The following NPIPA5 variants were observed in gnomAD, a reference collection of about 807,000 sequenced individuals.
NPIPA5 encodes nuclear pore complex interacting protein family member A5, also known as nuclear pore complex-interacting protein family member A5.
NPIPA5 carries 6 observed loss-of-function variants against 21.4 expected under a neutral mutation model. That is an observed-to-expected ratio of 0.28 (90% confidence interval 0.15 to 0.55). NPIPA5 has a LOEUF of 0.55. NPIPA5 is among the 20% of genes least tolerant of loss of function. The pLI is 0.93. For missense variants in NPIPA5, 99 were observed against 318.2 expected (o/e 0.31, Z 5.24); for synonymous variants, 33 against 115.3 (o/e 0.29, Z 4.57).
chr16:15,380,933 T>G (rs1485578973), upstream of NPIPA5: 1 of 1,365,854 alleles, frequency 7.3e-7, no homozygotes, highest in South Asian at 1.3e-5. Flanking sequence ...CTCACCTTCC[T>G]CAGGTACTCG....
intron 4 of NPIPA5, among the ~76,000 whole-genome samples, chr16:15,367,103 T>C (rs2049996965): frequency 6.6e-6 from 1 of 152,142 alleles, no homozygotes; most frequent in Admixed American, 6.5e-5. Flanking sequence ...CAAAAGCTCA[T>C]TTTAGTTCAG....
At chr16:15,375,470 G>A (rs1319801633) in intron 1 of NPIPA5, among the ~76,000 whole-genome samples, 9 of 151,566 alleles carry the variant, frequency 5.9e-5, no homozygotes, top group East Asian at 5.8e-4. Flanking sequence ...TGGGCCGGGC[G>A]TGGTGGCTCA....
upstream of NPIPA5, among the ~76,000 whole-genome samples, chr16:15,380,227 C>T (rs1360358819): frequency 1.3e-5 from 2 of 151,548 alleles, no homozygotes; most frequent in Non-Finnish European, 2.9e-5. Flanking sequence ...AATTATAGAA[C>T]ATATATATGT....
At chr16:15,372,422 T>C (rs1159617241) in intron 2 of NPIPA5, among the ~76,000 whole-genome samples, 6 of 143,512 alleles carry the variant, frequency 4.2e-5, no homozygotes, top group Non-Finnish European at 6.1e-5. Context: ...GAGGTGGAGG[T>C]TGCAGTGAGC....
chr16:15,371,513 G>T (rs891346225), intron 2 of NPIPA5, among the ~76,000 whole-genome samples: 2 of 147,842 alleles, frequency 1.4e-5, no homozygotes, highest in Non-Finnish European at 1.5e-5. Flanking sequence ...TCATTGAAAT[G>T]ACTTTTTTCT....
upstream of NPIPA5, among the ~76,000 whole-genome samples, chr16:15,380,484 G>A (rs1458118650): frequency 1.3e-5 from 2 of 151,712 alleles, no homozygotes. Context: ...CACCATGCCC[G>A]GCTAATTTTT....
At chr16:15,369,316 C>T (rs1426826507) in intron 4 of NPIPA5, among the ~76,000 whole-genome samples, 14 of 148,870 alleles carry the variant, frequency 9.4e-5, no homozygotes, top group Non-Finnish European at 1.9e-4. Context: ...ATTAGCTGGG[C>T]GTGGTGGTGG....
Position 15,372,066 on chromosome 16 carries a change from C to A in NPIPA5, c.192+1649G>T, listed in dbSNP as rs1294457253. Among the ~76,000 whole-genome samples the A allele has an allele frequency of 1.3e-5, 2 of 148,540 alleles. 1 individual carries two copies. Among genetic ancestry groups the A allele is most frequent in the Admixed American group, 1.4e-4 (2 of 14,214 alleles). ...ATCACACATGAATGCTTCATGACAC[C>A]CATGATGTCCCTGCTTAGGAGGTAA... On this transcript the variant is annotated intron_variant, in intron 2 of 7. Coordinates refer to ENST00000360151, the MANE Select transcript of NPIPA5 (RefSeq NM_001277325.2).
intron 4 of NPIPA5, among the ~76,000 whole-genome samples, chr16:15,368,453 A>T (rs891450737): frequency 3.9e-5 from 6 of 152,194 alleles, no homozygotes; most frequent in East Asian, 1.9e-4. Context: ...AATATTTTTT[A>T]AAAAGTATCT....
chr16:15,377,504 C>T (rs1429378209), intron 1 of NPIPA5, among the ~76,000 whole-genome samples: 12 of 143,492 alleles, frequency 8.4e-5, no homozygotes, highest in African/African-American at 2.0e-4. Flanking sequence ...GCCAAAAGAG[C>T]AGCCACCGCA....
At chr16:15,372,045 C>A (rs1164091775) in intron 2 of NPIPA5, among the ~76,000 whole-genome samples, 1 of 147,938 alleles carries the variant, frequency 6.8e-6, no homozygotes, top group African/African-American at 2.5e-5. Context: ...AATGCCATCA[C>A]ACATGAATGC....
intron 2 of NPIPA5, among the ~76,000 whole-genome samples, chr16:15,371,450 A>G (rs2050153129): frequency 6.7e-6 from 1 of 148,930 alleles, no homozygotes; most frequent in Non-Finnish European, 1.5e-5. Flanking sequence ...CTAAAATGCA[A>G]CGCAAATCCC....
upstream of NPIPA5, among the ~76,000 whole-genome samples, chr16:15,380,532 A>G (rs2050414120): frequency 1.3e-5 from 2 of 152,032 alleles, no homozygotes; most frequent in Admixed American, 1.3e-4. Context: ...CATATTGGTC[A>G]GGCTGGTCTC....
chr16:15,372,386 G>A (rs2050180544), intron 2 of NPIPA5, among the ~76,000 whole-genome samples: 1 of 147,628 alleles, frequency 6.8e-6, no homozygotes. Flanking sequence ...TTGAGAGGCT[G>A]AGGCAGGGGA....
At chr16:15,375,983 C>G (rs2050281069) in intron 1 of NPIPA5, among the ~76,000 whole-genome samples, 1 of 150,312 alleles carries the variant, frequency 6.7e-6, no homozygotes, top group Non-Finnish European at 1.5e-5. Flanking sequence ...GTGAATTAAA[C>G]AGAGATAGCC....
intron 4 of NPIPA5, 58 bp from the exon 5 acceptor site, chr16:15,366,818 C>T (rs1467099016): frequency 1.3e-6 from 2 of 1,508,102 alleles, no homozygotes; most frequent in South Asian, 1.2e-5. Flanking sequence ...ATTCCCTCTG[C>T]CCTTCTGGCA....
chr16:15,367,380 A>G (rs1052612601), intron 4 of NPIPA5, among the ~76,000 whole-genome samples: 15 of 152,246 alleles, frequency 9.9e-5, no homozygotes, highest in African/African-American at 3.4e-4. Context: ...GGGCGCATCT[A>G]TTGAATTAGA....
intron 2 of NPIPA5, among the ~76,000 whole-genome samples, chr16:15,371,346 A>G (rs928502655): frequency 6.9e-6 from 1 of 144,814 alleles, no homozygotes; most frequent in African/African-American, 2.5e-5. Context: ...AATGCAAAAC[A>G]TTCTCACTAA....
At chr16:15,379,557 ACT>A (rs2050387532), upstream of NPIPA5, among the ~76,000 whole-genome samples, 1 of 151,696 alleles carries the variant, frequency 6.6e-6, no homozygotes. Context: ...ACAGAGCGAG[ACT>A]CTGTCTCAAA....
Sources: allele counts gnomAD v4.1 joint callset (sites outside exome capture counted in the v4.1 genomes callset), GRCh38; gene constraint gnomAD v4.1.1; transcripts MANE v1.5; gene names NCBI Gene and HGNC (gene_info 2026-07-23, HGNC 2026-07-21).